DAPK1: variants seen among roughly 807,000 people sequenced by gnomAD.
The protein encoded by DAPK1 is death associated protein kinase 1, also known as death-associated protein kinase 1.
In DAPK1, 56 loss-of-function variants were observed where a neutral mutation model predicts 144.9. The observed-to-expected ratio is 0.39, with a 90% CI of 0.31 to 0.48. The LOEUF is 0.48. Among genes scored for constraint, DAPK1 ranks in the 20% least tolerant of loss-of-function variants. DAPK1 has a pLI of 0.95. For missense variants in DAPK1, 1,454 were observed against 1,875.4 expected, an observed-to-expected ratio of 0.78 and a Z score of 4.15; for synonymous variants, 690 against 749.0, an observed-to-expected ratio of 0.92 and a Z score of 1.29.
At chr9:87,602,922 T>TTC (rs143584239) in intron 2 of DAPK1, among the ~76,000 whole-genome samples, 11,946 of 146,444 alleles carry the variant, frequency 0.082, 545 homozygotes, top group East Asian at 0.24. Context: ...GTCTCTCTGT[T>TTC]TCTCTCTCTC....
chr9:87,668,219 T>G (rs1160231998), intron 18 of DAPK1, among the ~76,000 whole-genome samples: 1 of 152,210 alleles, frequency 6.6e-6, no homozygotes, highest in East Asian at 1.9e-4. Context: ...TTGCACTAAC[T>G]AGAATTTGGC....
At chr9:87,576,976 GC>G (rs1827585502) in intron 2 of DAPK1, among the ~76,000 whole-genome samples, 1 of 152,254 alleles carries the variant, frequency 6.6e-6, no homozygotes, top group Non-Finnish European at 1.5e-5. Flanking sequence ...CCAGTGCCCA[GC>G]AACCTGCAGC....
chr9:87,611,780 T>G (rs1451387242), intron 3 of DAPK1, among the ~76,000 whole-genome samples: 2 of 152,330 alleles, frequency 1.3e-5, no homozygotes, highest in East Asian at 3.9e-4. Flanking sequence ...CCTTTTTTCC[T>G]AACCTTGAAA....
rs546250189 is a variant in DAPK1, at chr9:87,694,023, T to C, written c.2414-2984T>C. On this transcript the variant is annotated intron_variant, in intron 21 of 25. Transcript: ENST00000408954. ...ATATGCTGGTACTGATACTAGTGGG[T>C]CCAGGTAGGTTGATTCTTGGGCCTC... 4.6e-5 allele frequency among the ~76,000 whole-genome samples: 7 copies of C among 152,200 alleles called. No homozygotes were observed. In the South Asian group the frequency reaches 1.5e-3, roughly 32 times the overall value.
At chr9:87,498,670 A>C in intron 1 of DAPK1, 1 of 378,416 alleles carries the variant, frequency 2.6e-6, no homozygotes, top group Non-Finnish European at 4.7e-6. Flanking sequence ...GTGCAGAGAA[A>C]GGGGAGGCGG....
intron 18 of DAPK1, among the ~76,000 whole-genome samples, chr9:87,660,322 C>T (rs1830797436): frequency 6.6e-6 from 1 of 152,064 alleles, no homozygotes; most frequent in Non-Finnish European, 1.5e-5. Context: ...GAGGGCATTA[C>T]TGGGGGCGTC....
intron 20 of DAPK1, among the ~76,000 whole-genome samples, chr9:87,683,630 C>G (rs1824724818): frequency 6.6e-6 from 1 of 152,154 alleles, no homozygotes; most frequent in Non-Finnish European, 1.5e-5. Flanking sequence ...TGGCTCTGCC[C>G]TTGGCCTCAG....
chr9:87,613,818 C>G (rs1829007936), intron 3 of DAPK1, among the ~76,000 whole-genome samples: 1 of 152,238 alleles, frequency 6.6e-6, no homozygotes, highest in African/African-American at 2.4e-5. Context: ...CACAATAGCA[C>G]ACACTCAGAC....
At chr9:87,618,599 AC>A (rs2119028629) in intron 3 of DAPK1, among the ~76,000 whole-genome samples, 1 of 152,346 alleles carries the variant, frequency 6.6e-6, no homozygotes, top group East Asian at 1.9e-4. Flanking sequence ...AAGGAAAATA[AC>A]TGTGACAACA....
intron 2 of DAPK1, among the ~76,000 whole-genome samples, chr9:87,565,231 C>G (rs941364379): frequency 6.9e-6 from 1 of 145,608 alleles, no homozygotes; most frequent in African/African-American, 2.8e-5. Context: ...GCATGAAAAA[C>G]GAGTGTCGAG....
chr9:87,576,343 C>G (rs1217002606), intron 2 of DAPK1, among the ~76,000 whole-genome samples: 1 of 152,194 alleles, frequency 6.6e-6, no homozygotes, highest in Non-Finnish European at 1.5e-5. Flanking sequence ...CAGTGGACTC[C>G]TATATTTGCT....
intron 2 of DAPK1, among the ~76,000 whole-genome samples, chr9:87,600,934 G>A (rs1431078924): frequency 6.6e-6 from 1 of 152,202 alleles, no homozygotes; most frequent in Non-Finnish European, 1.5e-5. Flanking sequence ...GTCTGAGCTC[G>A]CCCTTGAAGC....
At chr9:87,655,453 C>G (rs1263561860) in intron 17 of DAPK1, among the ~76,000 whole-genome samples, 1 of 152,166 alleles carries the variant, frequency 6.6e-6, no homozygotes, top group African/African-American at 2.4e-5. Flanking sequence ...CAAAGCACAT[C>G]CAGCTTTCTA....
At chr9:87,606,924 T>C (rs1828751947) in intron 3 of DAPK1, among the ~76,000 whole-genome samples, 1 of 151,462 alleles carries the variant, frequency 6.6e-6, no homozygotes, top group Non-Finnish European at 1.5e-5. Context: ...CATTGTAGAA[T>C]GTTTAGCAGC....
intron 23 of DAPK1, 136 bp downstream of exon 23, chr9:87,698,930 CT>C: frequency 1.7e-6 from 1 of 600,914 alleles, no homozygotes; most frequent in Non-Finnish European, 3.0e-6. Flanking sequence ...TTGGTCAACT[CT>C]TTTCTTGTAC....
At chr9:87,655,524 T>G (rs1830601994) in intron 17 of DAPK1, among the ~76,000 whole-genome samples, 1 of 152,194 alleles carries the variant, frequency 6.6e-6, no homozygotes, top group Non-Finnish European at 1.5e-5. Flanking sequence ...ACAAGGAGGC[T>G]GTTGCTCTTT....
At chr9:87,516,335 C>T (rs1327433566) in intron 2 of DAPK1, among the ~76,000 whole-genome samples, 1 of 152,136 alleles carries the variant, frequency 6.6e-6, no homozygotes, top group Non-Finnish European at 1.5e-5. Flanking sequence ...ATCGGGTTCT[C>T]CCAGCGGGCC....
intron 2 of DAPK1, among the ~76,000 whole-genome samples, chr9:87,600,106 A>T (rs1319990588): frequency 6.6e-6 from 1 of 152,200 alleles, no homozygotes; most frequent in Non-Finnish European, 1.5e-5. Flanking sequence ...ACATGACACT[A>T]AATGGGCTGC....
At chr9:87,616,394 C>G (rs527904714) in intron 3 of DAPK1, among the ~76,000 whole-genome samples, 10 of 152,174 alleles carry the variant, frequency 6.6e-5, no homozygotes, top group Non-Finnish European at 8.8e-5. Flanking sequence ...GCAGGAAGAA[C>G]AGCAGGATCT....
Sources: allele counts gnomAD v4.1 joint callset (sites outside exome capture counted in the v4.1 genomes callset), GRCh38; gene constraint gnomAD v4.1.1; transcripts MANE v1.5; gene names NCBI Gene and HGNC (gene_info 2026-07-23, HGNC 2026-07-21).